Variants in ATP6V1C2 observed in about 807,000 individuals in gnomAD.
The protein encoded by ATP6V1C2 is V-type proton ATPase subunit C 2.
A neutral mutation model predicts 56.8 loss-of-function variants in ATP6V1C2; 45 were observed. The observed-to-expected ratio is 0.79, with a 90% CI of 0.62 to 1.02. The LOEUF (loss-of-function observed/expected upper bound fraction) is 1.02, where lower values mean the gene tolerates loss of function less well. ATP6V1C2 is among the 50% of genes least tolerant of loss of function. ATP6V1C2 has a pLI of 0.00. For missense variants in ATP6V1C2, 463 were observed against 519.7 expected, an observed-to-expected ratio of 0.89 and a Z score of 1.06; for synonymous variants, 220 against 201.3, an observed-to-expected ratio of 1.09 and a Z score of -0.79.
At chr2:10,743,325 G>T (rs1054856537) in intron 3 of ATP6V1C2, among the ~76,000 whole-genome samples, 1 of 150,258 alleles carries the variant, frequency 6.7e-6, no homozygotes, top group Admixed American at 6.7e-5. Flanking sequence ...AGCTGATCTC[G>T]AACTCCTGGG....
chr2:10,764,288 A>G (rs1200899098), intron 4 of ATP6V1C2, 43 bp from the exon 5 acceptor site: 1 of 1,501,148 alleles, frequency 6.7e-7, no homozygotes, highest in African/African-American at 1.4e-5. Context: ...TCATGGATGC[A>G]GAGCGCAGGC....
Position 10,771,836 on chromosome 2 carries a change from T to C in ATP6V1C2, c.471-3T>C. On this transcript the variant is annotated splice_region_variant and splice_polypyrimidine_tract_variant and intron_variant, in intron 6 of 13. Transcript: ENST00000272238. The stretch of plus-strand genomic sequence containing the variant: ...CACACCCTTTGTTCCACCTGCCTTT[T>C]AGGGGGAACCTCTTCACCCGGACAC... 1 of 1,612,024 alleles carries C rather than the reference T, an allele frequency of 6.2e-7. No homozygotes were observed. The highest frequency in any genetic ancestry group is 8.5e-7 in the Non-Finnish European group (1 of 1,178,102).
Position 10,733,548 on chromosome 2 carries a change from T to A in ATP6V1C2, c.197+6979T>A, listed in dbSNP as rs190811773. Among the ~76,000 whole-genome samples the A allele has an allele frequency of 7.9e-3, 1,205 of 152,246 alleles. 16 individuals are homozygous for A. The highest frequency in any genetic ancestry group is 0.028 in the African/African-American group (1,169 of 41,532). On this transcript the variant is annotated intron_variant, in intron 3 of 13. Transcript: ENST00000272238. ...TACGAGAGCTTTCTCTCTCTTTTTT[T>A]AATTTATTCCTTCATACTGCCTTTG...
chr2:10,727,047 TCCTTCCTCCCTC>T (rs1350441764), intron 3 of ATP6V1C2, among the ~76,000 whole-genome samples: 4 of 142,778 alleles, frequency 2.8e-5, no homozygotes, highest in Non-Finnish European at 4.4e-5. Flanking sequence ...CTTCCTTCCT[TCCTTCCTCCCTC>T]CCTCCCTCCC....
chr2:10,774,685 G>A lies in ATP6V1C2; in HGVS notation c.639-103G>A. Reference sequence around the variant, plus strand: ...CTTGGTTCCCCAGCCCTCAGCTGCTGCCATGGACCCCAGGTGCAGGCCACC... The same window carrying A: ...CTTGGTTCCCCAGCCCTCAGCTGCTACCATGGACCCCAGGTGCAGGCCACC... On this transcript the variant is annotated intron_variant, in intron 8 of 13. Coordinates refer to ENST00000272238, the MANE Select transcript of ATP6V1C2 (RefSeq NM_001039362.2). The A allele has an allele frequency of 4.2e-6, 4 of 948,564 alleles. No individual in the cohort carries two copies. The Admixed American group carries it at 6.0e-5, about 14-fold the overall frequency. The allele number at this position is 948,564 out of a possible 1,614,324, so 58.8% of individuals were successfully genotyped here. A position where few individuals can be genotyped will look rare whatever the true frequency, so the allele number is the denominator to read the frequency against.
intron 12 of ATP6V1C2, among the ~76,000 whole-genome samples, chr2:10,779,866 TAC>T (rs1665241927): frequency 6.6e-6 from 1 of 152,072 alleles, no homozygotes; most frequent in African/African-American, 2.4e-5. Flanking sequence ...ACGTAATTCT[TAC>T]AGATTTTTAT....
At chr2:10,760,004 TAAAGAC>T (rs1663805355) in intron 4 of ATP6V1C2, among the ~76,000 whole-genome samples, 1 of 146,458 alleles carries the variant, frequency 6.8e-6, no homozygotes, top group Non-Finnish European at 1.5e-5. Context: ...ATCAGAAAAA[TAAAGAC>T]AAGCAGTTTT....
chr2:10,760,438 G>A (rs949636695), intron 4 of ATP6V1C2, among the ~76,000 whole-genome samples: 2 of 152,214 alleles, frequency 1.3e-5, no homozygotes, highest in Non-Finnish European at 2.9e-5. Flanking sequence ...TCCAAAGGCA[G>A]GGTGCGTGGA....
chr2:10,752,063 C>CA lies in ATP6V1C2; in HGVS notation c.198-1908dup, dbSNP rs908467834. Among the ~76,000 whole-genome samples, 203 of 146,224 alleles carry CA rather than the reference C, an allele frequency of 1.4e-3. 1 individual carries two copies. The highest frequency in any genetic ancestry group is 4.5e-3 in the African/African-American group (176 of 39,484). On this transcript the variant is annotated intron_variant, in intron 3 of 13. Coordinates refer to ENST00000272238, the MANE Select transcript of ATP6V1C2 (RefSeq NM_001039362.2). ...TGGGTGACAGAGTGACATCCTGCCT[C>CA]AAAAAAAAAACAACAACAACAAAAA...
chr2:10,726,510 C>T lies in ATP6V1C2; in HGVS notation c.138C>T (p.Thr46=), dbSNP rs765681984. Residue 46 remains threonine (T), a synonymous_variant, in exon 3 of 14, where the codon ACC becomes ACT. Transcript: ENST00000272238. ...TTTTATGATCTGTCTAGGTGGGGAC[C>T]TTGGATTCCCTGGTTGGCCTCTCTG... ...KFAIPDFKVG[T]LDSLVGLSDE... 136 of 1,613,784 alleles carry T rather than the reference C, an allele frequency of 8.4e-5. 1 individual carries two copies. Among genetic ancestry groups the T allele is most frequent in the Middle Eastern group, 1.6e-4 (1 of 6,072 alleles).
rs962122513 is a variant in ATP6V1C2, at chr2:10,763,171, C to T, written c.284-1160C>T. Among the ~76,000 whole-genome samples, 2 of 152,096 alleles carry T rather than the reference C, an allele frequency of 1.3e-5. No homozygotes were observed. Among genetic ancestry groups the T allele is most frequent in the Non-Finnish European group, 2.9e-5 (2 of 67,990 alleles). On this transcript the variant is annotated intron_variant, in intron 4 of 13. Transcript: ENST00000272238. This position sits in a 1 kb window ranked among gnomAD's most constrained non-coding sequence, Gnocchi z 4.2. ...TTCTGTTCAGCATCCGTCCACACTC[C>T]CTCTTCCCTGACTCACAGTGCCCCG... is the stretch of plus-strand genomic sequence containing the variant.
At chr2:10,766,241 G>T (rs1664212277) in intron 5 of ATP6V1C2, among the ~76,000 whole-genome samples, 1 of 152,264 alleles carries the variant, frequency 6.6e-6, no homozygotes, top group African/African-American at 2.4e-5. Flanking sequence ...CCGGGGTGTT[G>T]TCTCCCTCAG....
chr2:10,721,324 G>C (rs892856692), upstream of ATP6V1C2, among the ~76,000 whole-genome samples: 3 of 152,162 alleles, frequency 2.0e-5, no homozygotes, highest in Admixed American at 2.0e-4. Flanking sequence ...CGAGCTCAGA[G>C]CCTTTTCCCG....
chr2:10,748,362 C>T (rs994578328), intron 3 of ATP6V1C2, among the ~76,000 whole-genome samples: 4 of 152,216 alleles, frequency 2.6e-5, no homozygotes, highest in African/African-American at 7.2e-5. Flanking sequence ...TTGCAGGAGG[C>T]ACACAGCATT....
chr2:10,755,589 T>TGAACTGCAG (rs1663505089), intron 4 of ATP6V1C2, among the ~76,000 whole-genome samples: 1 of 152,192 alleles, frequency 6.6e-6, no homozygotes, highest in African/African-American at 2.4e-5. Context: ...GGTGAACTCC[T>TGAACTGCAG]CAGAGTGCTG....
At chr2:10,759,520 A>T (rs1372574405) in intron 4 of ATP6V1C2, among the ~76,000 whole-genome samples, 1 of 152,020 alleles carries the variant, frequency 6.6e-6, no homozygotes, top group Non-Finnish European at 1.5e-5. Context: ...GCATATTTTG[A>T]TGAGGGGTGA....
At chr2:10,742,777 G>T (rs944299106) in intron 3 of ATP6V1C2, among the ~76,000 whole-genome samples, 2 of 152,130 alleles carry the variant, frequency 1.3e-5, no homozygotes, top group African/African-American at 2.4e-5. Flanking sequence ...GGGCTAAGAG[G>T]TGCCCCCGTA....
chr2:10,721,503 T>TG, upstream of ATP6V1C2: 1 of 152,304 alleles, frequency 6.6e-6, no homozygotes, highest in Middle Eastern at 3.4e-3. Context: ...CGCCTGCACC[T>TG]GCTCCCCGGC....
intron 5 of ATP6V1C2, chr2:10,767,861 C>A (rs551262807): frequency 6.6e-6 from 1 of 152,172 alleles, no homozygotes; most frequent in East Asian, 1.9e-4. Context: ...ATAATAATAT[C>A]ATCCGAGCTG....
Sources: gnomAD v4.1 joint callset for allele counts (sites outside exome capture counted in the v4.1 genomes callset) on GRCh38, gnomAD v4.1.1 for gene constraint, Gnocchi (gnomAD v3.1) non-coding constraint, MANE v1.5 for transcripts, NCBI Gene and HGNC (gene_info 2026-07-23, HGNC 2026-07-21) for gene names.